Variants in EXOC5 observed in about 807,000 individuals in gnomAD.
The protein encoded by EXOC5 is SEC10-like 1.
Under a neutral mutation model 90.8 loss-of-function variants are expected in EXOC5, and 17 were observed. The ratio of observed to expected loss-of-function variants is 0.19; its 90% CI spans 0.13 to 0.28. The LOEUF is 0.28. EXOC5 is among the 10% of genes least tolerant of loss of function. EXOC5 has a pLI of 1.00. For missense variants in EXOC5, 569 were observed against 830.6 expected (o/e 0.69, Z 3.87); for synonymous variants, 260 against 270.0 (o/e 0.96, Z 0.36).
intron 12 of EXOC5, among the ~76,000 whole-genome samples, chr14:57,225,721 G>A (rs975010391): frequency 6.6e-6 from 1 of 152,160 alleles, no homozygotes; most frequent in Admixed American, 6.5e-5. Context: ...ACATTCCTAT[G>A]ACACAGTCTC....
chr14:57,245,193 G>T (rs1454622244), intron 3 of EXOC5, among the ~76,000 whole-genome samples: 1 of 151,932 alleles, frequency 6.6e-6, no homozygotes, highest in Non-Finnish European at 1.5e-5. Context: ...TTGTCCTGTG[G>T]CATATGGAAA....
At chr14:57,248,050 TAATCA>T (rs759722957) in intron 1 of EXOC5, among the ~76,000 whole-genome samples, 6 of 150,982 alleles carry the variant, frequency 4.0e-5, no homozygotes, top group East Asian at 1.9e-4. Flanking sequence ...GCCTTACTAG[TAATCA>T]AATAAGATCA....
chr14:57,217,577 C>T lies in EXOC5; in HGVS notation c.1613+405G>A, dbSNP rs1883011365. ...ACAAATGTAGTGTGTGTTCTGACTACTCCAGATAATGGCTGTTTCCCTGTC... is the reference window on the plus strand; with the variant it reads ...ACAAATGTAGTGTGTGTTCTGACTATTCCAGATAATGGCTGTTTCCCTGTC... On this transcript the variant is annotated intron_variant, in intron 15 of 17. Transcript: ENST00000621441. Among the ~76,000 whole-genome samples the T allele has an allele frequency of 2.6e-5, 4 of 152,220 alleles. No homozygotes were observed. The South Asian group carries it at 6.2e-4, about 24-fold the overall frequency.
chr14:57,254,935 G>A (rs1187505070), intron 1 of EXOC5, among the ~76,000 whole-genome samples: 3 of 152,166 alleles, frequency 2.0e-5, no homozygotes, highest in Admixed American at 2.0e-4. Flanking sequence ...AAGCCATCCA[G>A]TCTATGGAAT....
At chr14:57,268,505 C>T in intron 1 of EXOC5, 117 bp downstream of exon 1, 2 of 1,531,220 alleles carry the variant, frequency 1.3e-6, no homozygotes, top group South Asian at 1.2e-5. Context: ...TTCTGTTTCG[C>T]ACCTCTCTCC....
At chr14:57,209,440 A>G (rs1882759851) in intron 17 of EXOC5, 127 bp downstream of exon 17, 1 of 506,926 alleles carries the variant, frequency 2.0e-6, no homozygotes, top group African/African-American at 1.9e-5. Flanking sequence ...GAATGTGATA[A>G]TCTATCTCAT....
intron 12 of EXOC5, among the ~76,000 whole-genome samples, chr14:57,226,318 T>A (rs10147790): frequency 0.24 from 36,823 of 151,918 alleles, 10,765 homozygotes; most frequent in African/African-American, 0.71. Flanking sequence ...TTTTCCGTTC[T>A]CACAGGATAT....
intron 13 of EXOC5, among the ~76,000 whole-genome samples, chr14:57,221,436 A>G (rs1883136962): frequency 6.6e-6 from 1 of 152,222 alleles, no homozygotes. Flanking sequence ...TGTTAAATGA[A>G]GTCAGTAATG....
chr14:57,255,838 C>CA (rs1258346261), intron 1 of EXOC5, among the ~76,000 whole-genome samples: 5,651 of 59,766 alleles, frequency 0.095, 321 homozygotes, highest in African/African-American at 0.26. Flanking sequence ...TCTCCAAAAG[C>CA]AAAAAAAAAA....
chr14:57,241,657 T>C (rs553270652), intron 4 of EXOC5, among the ~76,000 whole-genome samples: 1 of 152,316 alleles, frequency 6.6e-6, no homozygotes, highest in South Asian at 2.1e-4. Context: ...AAGGTTACAA[T>C]ATACAACATT....
intron 15 of EXOC5, among the ~76,000 whole-genome samples, chr14:57,210,375 A>G (rs1459021625): frequency 2.6e-5 from 4 of 152,192 alleles, no homozygotes; most frequent in African/African-American, 9.6e-5. Flanking sequence ...AGGCAAAACC[A>G]TATACAAGTT....
chr14:57,231,229 G>A lies in EXOC5; in HGVS notation c.1148+277C>T, dbSNP rs561168389. ...TCACCACGTTGGCCAGGCTGGTCTC[G>A]AACTCCAGACCTCAGGTGATCAGCC... is the stretch of plus-strand genomic sequence containing the variant. On this transcript the variant is annotated intron_variant, in intron 11 of 17. Coordinates refer to ENST00000621441, the MANE Select transcript of EXOC5 (RefSeq NM_006544.4). 9.9e-5 allele frequency among the ~76,000 whole-genome samples: 15 copies of A among 152,016 alleles called. No homozygotes were observed. The South Asian group carries it at 3.1e-3, about 32-fold the overall frequency.
chr14:57,245,918 C>T (rs1310626819), intron 3 of EXOC5, among the ~76,000 whole-genome samples: 1 of 152,038 alleles, frequency 6.6e-6, no homozygotes, highest in Non-Finnish European at 1.5e-5. Context: ...GGTGTGGTAG[C>T]ATGTGCATGT....
At chr14:57,220,580 G>A (rs1292274348) in intron 13 of EXOC5, among the ~76,000 whole-genome samples, 2 of 151,958 alleles carry the variant, frequency 1.3e-5, no homozygotes, top group Non-Finnish European at 2.9e-5. Flanking sequence ...AGGGAGGATC[G>A]CTTGGAGCCA....
intron 10 of EXOC5, 66 bp downstream of exon 10, chr14:57,232,601 C>A: frequency 1.5e-6 from 1 of 678,222 alleles, no homozygotes; most frequent in East Asian, 2.9e-5. Flanking sequence ...CTGAATACTT[C>A]CTTGTTTTTA....
chr14:57,229,847 T>C lies in EXOC5; in HGVS notation c.1183A>G (p.Thr395Ala). The C allele has an allele frequency of 1.3e-6, 2 of 1,509,940 alleles. No individual in the cohort carries two copies. Among genetic ancestry groups the C allele is most frequent in the Non-Finnish European group, 8.9e-7 (1 of 1,117,780 alleles). The allele number at this position is 1,509,940 out of a possible 1,614,324, so 93.5% of individuals were successfully genotyped here. A position where few individuals can be genotyped will look rare whatever the true frequency, so the allele number is the denominator to read the frequency against. ...ATACTTGGCCCAAGTGGTAAGTTGG[T>C]ACGCTGTCTAATTCTTTCCTTCAAA... The part of the protein sequence containing the change: ...QDLKERIRQR[T>A]NLPLGPSIDT... Residue 395 changes from threonine to alanine, a missense_variant, in exon 12 of 18, where the codon ACC becomes GCC. Around this residue, in one of 9 missense-constraint regions of EXOC5, gnomAD observed 69 missense variants for 115.5 expected, o/e 0.60. Transcript: ENST00000621441.
intron 5 of EXOC5, among the ~76,000 whole-genome samples, chr14:57,238,103 A>G (rs189925112): frequency 5.3e-5 from 8 of 151,908 alleles, no homozygotes; most frequent in Admixed American, 5.3e-4. Context: ...ACAAAAATCT[A>G]GAGTGTTATA....
chr14:57,245,906 T>C (rs1421280201), intron 3 of EXOC5, among the ~76,000 whole-genome samples: 2 of 151,974 alleles, frequency 1.3e-5, no homozygotes, highest in Non-Finnish European at 2.9e-5. Context: ...AAAAATTAGC[T>C]GGGTGTGGTA....
chr14:57,255,925 T>C (rs535398254), intron 1 of EXOC5, among the ~76,000 whole-genome samples: 18 of 151,660 alleles, frequency 1.2e-4, no homozygotes, highest in African/African-American at 3.6e-4. Context: ...GTGACTCCCA[T>C]AGGAAAAACA....
Sources: allele counts gnomAD v4.1 joint callset (sites outside exome capture counted in the v4.1 genomes callset), GRCh38; gene constraint gnomAD v4.1.1; regional missense constraint gnomAD v4.1.1; transcripts MANE v1.5; gene names NCBI Gene and HGNC (gene_info 2026-07-23, HGNC 2026-07-21).